Variants in FBXW4 observed in about 807,000 individuals in gnomAD.
FBXW4 encodes the protein F-box/WD repeat-containing protein 4.
In FBXW4, 40 loss-of-function variants were observed where a neutral mutation model predicts 61.8. The ratio of observed to expected loss-of-function variants is 0.65; its 90% CI spans 0.50 to 0.84. The LOEUF (loss-of-function observed/expected upper bound fraction) is 0.84. FBXW4 is among the 40% of genes least tolerant of loss of function. The pLI is 0.00. For synonymous variants in FBXW4, 311 were observed against 313.8 expected, an observed-to-expected ratio of 0.99 and a Z score of 0.10; for missense variants, 672 against 753.8, an observed-to-expected ratio of 0.89 and a Z score of 1.27.
At chr10:101,622,706 C>T (rs12261004) in intron 6 of FBXW4, among the ~76,000 whole-genome samples, 22,527 of 126,556 alleles carry the variant, frequency 0.18, 2,180 homozygotes, top group Middle Eastern at 0.29. Context: ...CCAGCCTGGG[C>T]GACATAGTGA....
chr10:101,634,023 G>C (rs1261169589), intron 5 of FBXW4, among the ~76,000 whole-genome samples: 3 of 152,092 alleles, frequency 2.0e-5, no homozygotes, highest in Non-Finnish European at 4.4e-5. Flanking sequence ...TGAGGCAGGA[G>C]AATCACTTGA....
At chr10:101,616,405 C>G (rs1300498660) in intron 6 of FBXW4, among the ~76,000 whole-genome samples, 2 of 152,154 alleles carry the variant, frequency 1.3e-5, no homozygotes, top group Non-Finnish European at 2.9e-5. Context: ...AGACTTTGTC[C>G]CTGCCTTCAA....
intron 5 of FBXW4, among the ~76,000 whole-genome samples, chr10:101,644,045 C>T (rs1250464099): frequency 6.6e-6 from 1 of 152,194 alleles, no homozygotes; most frequent in Admixed American, 6.5e-5. Flanking sequence ...ACATTCGTAC[C>T]TGGGCTCTCC....
chr10:101,622,251 G>C (rs887668509), intron 6 of FBXW4, among the ~76,000 whole-genome samples: 1 of 151,998 alleles, frequency 6.6e-6, no homozygotes, highest in African/African-American at 2.4e-5. Context: ...CAGGTGAGAA[G>C]AGCATCTTCG....
At chr10:101,675,562 T>C (rs1308275154) in intron 2 of FBXW4, among the ~76,000 whole-genome samples, 1 of 152,188 alleles carries the variant, frequency 6.6e-6, no homozygotes, top group Non-Finnish European at 1.5e-5. Context: ...CAGTATCTGA[T>C]GCCAGTGAAA....
chr10:101,660,985 G>C (rs1043375855), intron 5 of FBXW4, among the ~76,000 whole-genome samples: 3 of 152,254 alleles, frequency 2.0e-5, no homozygotes, highest in East Asian at 3.8e-4. Flanking sequence ...GAAAGACAGA[G>C]AGTGGAAGGT....
At chr10:101,650,279 T>C (rs2064135356) in intron 5 of FBXW4, among the ~76,000 whole-genome samples, 1 of 152,118 alleles carries the variant, frequency 6.6e-6, no homozygotes, top group Non-Finnish European at 1.5e-5. Context: ...TTCAACTGCC[T>C]GAGATGAGCA....
chr10:101,628,997 T>C (rs1025661055), intron 5 of FBXW4, among the ~76,000 whole-genome samples: 15 of 152,262 alleles, frequency 9.9e-5, no homozygotes, highest in East Asian at 1.9e-4. Flanking sequence ...GAAGTAGACA[T>C]AGGGGCCTGT....
intron 5 of FBXW4, among the ~76,000 whole-genome samples, chr10:101,654,834 A>G (rs79371423): frequency 2.0e-5 from 3 of 152,112 alleles, no homozygotes; most frequent in East Asian, 3.8e-4. Context: ...TGGTTTTGTT[A>G]CTTTTTTGAG....
At chr10:101,637,355 G>A in intron 5 of FBXW4, among the ~76,000 whole-genome samples, 1 of 126,946 alleles carries the variant, frequency 7.9e-6, no homozygotes, top group African/African-American at 3.1e-5. Flanking sequence ...TCGTGCCACT[G>A]CACTCCAGCC....
At chr10:101,622,844 G>GT (rs2063878367) in intron 6 of FBXW4, 2 of 151,780 alleles carry the variant, frequency 1.3e-5, no homozygotes, top group African/African-American at 4.8e-5. Flanking sequence ...AAACTCAATG[G>GT]TAAAAAAAAG....
At chr10:101,680,375 T>C (rs956151111) in intron 1 of FBXW4, among the ~76,000 whole-genome samples, 3 of 152,170 alleles carry the variant, frequency 2.0e-5, no homozygotes, top group Non-Finnish European at 4.4e-5. Flanking sequence ...GCTATTAAAT[T>C]TGAAATGCTA....
intron 4 of FBXW4, among the ~76,000 whole-genome samples, chr10:101,672,650 G>A (rs1280041391): frequency 6.6e-6 from 1 of 152,112 alleles, no homozygotes; most frequent in East Asian, 1.9e-4. Flanking sequence ...AGGCTGCCAG[G>A]TCCTCTGTTT....
At chr10:101,677,813 C>T (rs1216510501) in intron 1 of FBXW4, among the ~76,000 whole-genome samples, 2 of 149,872 alleles carry the variant, frequency 1.3e-5, no homozygotes, top group Non-Finnish European at 3.0e-5. Flanking sequence ...AAAAGAAATA[C>T]ATCAAATGAT....
chr10:101,637,642 G>T (rs1483192089), intron 5 of FBXW4, among the ~76,000 whole-genome samples: 2 of 144,916 alleles, frequency 1.4e-5, no homozygotes, highest in African/African-American at 2.6e-5. Context: ...AGAGGTTGCA[G>T]TGAGCCAAGA....
intron 5 of FBXW4, among the ~76,000 whole-genome samples, chr10:101,653,918 C>T (rs2064164428): frequency 6.6e-6 from 1 of 151,942 alleles, no homozygotes; most frequent in Non-Finnish European, 1.5e-5. Flanking sequence ...GTCAAGAGAT[C>T]GAGACCATCC....
chr10:101,686,173 C>T (rs771993990), intron 1 of FBXW4, among the ~76,000 whole-genome samples: 16 of 152,096 alleles, frequency 1.1e-4, no homozygotes, highest in African/African-American at 2.4e-4. Flanking sequence ...TGTATTTGCA[C>T]GGCACTTGAC....
chr10:101,632,317 G>C (rs1381377985), intron 5 of FBXW4, among the ~76,000 whole-genome samples: 1 of 152,150 alleles, frequency 6.6e-6, no homozygotes, highest in Non-Finnish European at 1.5e-5. Context: ...AGAGGCTGGA[G>C]CTCTTACTGC....
At chr10:101,612,244 G>A in intron 7 of FBXW4, 93 bp downstream of exon 7, 1 of 1,324,296 alleles carries the variant, frequency 7.6e-7, no homozygotes, top group Non-Finnish European at 9.7e-7. Context: ...TGGAGTCTCT[G>A]TGCCCTCTCC....
Sources: gnomAD v4.1 joint callset for allele counts (sites outside exome capture counted in the v4.1 genomes callset) on GRCh38, gnomAD v4.1.1 for gene constraint, MANE v1.5 for transcripts, NCBI Gene and HGNC (gene_info 2026-07-23, HGNC 2026-07-21) for gene names.